Variants in PACS2 observed in about 807,000 individuals in gnomAD.
The protein encoded by PACS2 is phosphofurin acidic cluster sorting protein 2.
PACS2 carries 36 observed loss-of-function variants against 113.0 expected under a neutral mutation model. The ratio of observed to expected loss-of-function variants is 0.32; its 90% CI spans 0.24 to 0.42. PACS2 has a LOEUF of 0.42. PACS2 is among the 10% of genes least tolerant of loss of function. The pLI is 1.00. For synonymous variants in PACS2, 589 were observed against 536.1 expected (o/e 1.10, Z -1.36); for missense variants, 1,015 against 1,239.5 (o/e 0.82, Z 2.72).
At chr14:105,363,942 T>C (rs8010649) in intron 4 of PACS2, among the ~76,000 whole-genome samples, 13,523 of 151,862 alleles carry the variant, frequency 0.089, 2,041 homozygotes, top group African/African-American at 0.31. Flanking sequence ...GAGACAGACA[T>C]GGGAATGGCC....
chr14:105,322,726 G>A (rs949066080), intron 1 of PACS2, among the ~76,000 whole-genome samples: 1 of 152,202 alleles, frequency 6.6e-6, no homozygotes, highest in Non-Finnish European at 1.5e-5. Context: ...AAGCCCACAA[G>A]ATGTTGTTAC....
rs781943399 is a variant in PACS2 at position 105,368,071 on chromosome 14, C to T, written c.587-3C>T. ...CCCTCCCTTCTGTCTGTTCATTCCG[C>T]AGATAACTACTCCGAGGAGGAGTAT... On this transcript the variant is annotated splice_region_variant and splice_polypyrimidine_tract_variant and intron_variant, in intron 5 of 24. Transcript: ENST00000447393. 8.7e-6 allele frequency: 14 copies of T among 1,601,606 alleles called. No individual in the cohort carries two copies. Among genetic ancestry groups the T allele is most frequent in the Middle Eastern group, 3.3e-4 (2 of 6,066 alleles).
In PACS2 at chr14:105,357,650, C is replaced by T. The variant is rs587631742; in HGVS notation, c.423+2473C>T. On this transcript the variant is annotated intron_variant, in intron 4 of 24. Transcript: ENST00000447393. The surrounding 1 kb of genome is among the most constrained non-coding windows in gnomAD (Gnocchi z 5.1). Reference sequence around the variant, plus strand: ...GTTGCTGGCTTGTTGAGAGTATGAGCACGGGAGATTGCGGAGGCGGGACAG... The same window carrying T: ...GTTGCTGGCTTGTTGAGAGTATGAGTACGGGAGATTGCGGAGGCGGGACAG... 1.3e-5 allele frequency among the ~76,000 whole-genome samples: 2 copies of T among 152,258 alleles called. No individual in the cohort carries two copies. The highest frequency in any genetic ancestry group is 4.8e-5 in the African/African-American group (2 of 41,552).
intron 1 of PACS2, among the ~76,000 whole-genome samples, chr14:105,345,112 A>G (rs587729390): frequency 6.2e-5 from 9 of 145,792 alleles, no homozygotes; most frequent in African/African-American, 2.3e-4. Context: ...CCATCTCAAA[A>G]AAGATGGAAT....
At position 105,357,789 on chromosome 14, in the gene PACS2, G is replaced by C. The variant is rs1264707337; in HGVS notation, c.423+2612G>C. Among the ~76,000 whole-genome samples the C allele has an allele frequency of 6.6e-6, 1 of 152,224 alleles. No individual in the cohort carries two copies. The highest frequency in any genetic ancestry group is 1.5e-5 in the Non-Finnish European group (1 of 68,042). ...TCCGAGACTGCACGCCTGAGACGGGGGTGAGGGCATGGGTGCTGCCATAGG... is the reference window on the plus strand; with the variant it reads ...TCCGAGACTGCACGCCTGAGACGGGCGTGAGGGCATGGGTGCTGCCATAGG... On this transcript the variant is annotated intron_variant, in intron 4 of 24. Coordinates refer to ENST00000447393, the MANE Select transcript of PACS2 (RefSeq NM_001100913.3). This position sits in a 1 kb window ranked among gnomAD's most constrained non-coding sequence, Gnocchi z 5.1.
At chr14:105,333,503 TC>T (rs1464127143) in intron 1 of PACS2, among the ~76,000 whole-genome samples, 1 of 152,158 alleles carries the variant, frequency 6.6e-6, no homozygotes, top group African/African-American at 2.4e-5. Flanking sequence ...TTCTGGCTGC[TC>T]CCTGGGGTGC....
intron 22 of PACS2, 121 bp from the exon 23 acceptor site, chr14:105,392,498 C>T (rs1412595896): frequency 1.2e-6 from 1 of 814,566 alleles, no homozygotes; most frequent in African/African-American, 1.7e-5. Flanking sequence ...ACCCGGCCCT[C>T]CTCTGCTGGC....
chr14:105,386,504 AC>A (rs1407280006), intron 19 of PACS2, among the ~76,000 whole-genome samples: 6 of 151,664 alleles, frequency 4.0e-5, no homozygotes, highest in Admixed American at 2.0e-4. Flanking sequence ...AGTCCCAGGC[AC>A]CCCCAAAGCT....
chr14:105,376,781 A>G lies in PACS2; in HGVS notation c.815A>G (p.Glu272Gly). ...FKVSDEVLDS[E>G]QDPAEHIPEA... is the part of the protein sequence containing the mutation. ...GCACCCGTGCAGGTCCTGGACTCGGAGCAGGACCCTGCGGAGCACATCCCC... is the reference window on the plus strand; with the variant it reads ...GCACCCGTGCAGGTCCTGGACTCGGGGCAGGACCCTGCGGAGCACATCCCC... Residue 272 changes from glutamate (E) to glycine (G), a missense_variant, in exon 9 of 25, where the codon GAG (glutamate) becomes GGG (glycine). Physicochemically the swap from Glu to Gly is moderately conservative, Grantham distance 98. Transcript: ENST00000447393. This position sits in a 1 kb window ranked among gnomAD's most constrained non-coding sequence, Gnocchi z 4.7. The G allele has an allele frequency of 6.2e-7, 1 of 1,612,858 alleles. No individual in the cohort carries two copies. The highest frequency in any genetic ancestry group is 8.5e-7 in the Non-Finnish European group (1 of 1,179,766).
Position 105,324,357 on chromosome 14 carries a change from G to A in PACS2, c.119+9320G>A, listed in dbSNP as rs906954564. 6.6e-6 allele frequency among the ~76,000 whole-genome samples: 1 copy of A among 152,230 alleles called. No homozygotes were observed. The highest frequency in any genetic ancestry group is 3.4e-3 in the Middle Eastern group (1 of 294). Reference sequence around the variant, plus strand: ...TGCAGGTGGGAAGGGGTGGCAGGATGGAGGTTGTACAGTGCTTTCCCCAGG... The same window carrying A: ...TGCAGGTGGGAAGGGGTGGCAGGATAGAGGTTGTACAGTGCTTTCCCCAGG... On this transcript the variant is annotated intron_variant, in intron 1 of 24. Transcript: ENST00000447393. The surrounding 1 kb of genome is among the most constrained non-coding windows in gnomAD (Gnocchi z 4.7).
At chr14:105,384,182 A>G (rs898823597) in intron 16 of PACS2, 171 bp from the exon 17 acceptor site, 7 of 583,690 alleles carry the variant, frequency 1.2e-5, no homozygotes, top group Non-Finnish European at 2.1e-5. Context: ...GGCCACAGGC[A>G]TCCACCAGGG....
chr14:105,390,406 G>T (rs750726225), intron 20 of PACS2: 16 of 247,050 alleles, frequency 6.5e-5, no homozygotes, highest in Non-Finnish European at 1.1e-4. Context: ...AGCCTGCAGT[G>T]TGTGGGTTTC....
chr14:105,348,121 C>G lies in PACS2; in HGVS notation c.120-372C>G, dbSNP rs2060012045. ...GATAGGGCCGCGGGAGAGGGGAGGC[C>G]TGTGCTCTCACAGCTGGGAGCTGGC... On this transcript the variant is annotated intron_variant, in intron 1 of 24. Transcript: ENST00000447393. This position sits in a 1 kb window ranked among gnomAD's most constrained non-coding sequence, Gnocchi z 6.4. Among the ~76,000 whole-genome samples the G allele has an allele frequency of 6.6e-6, 1 of 152,066 alleles. No homozygotes were observed. The highest frequency in any genetic ancestry group is 1.5e-5 in the Non-Finnish European group (1 of 67,976).
At chr14:105,328,630 C>T (rs2059203887) in intron 1 of PACS2, among the ~76,000 whole-genome samples, 1 of 152,218 alleles carries the variant, frequency 6.6e-6, no homozygotes, top group Non-Finnish European at 1.5e-5. Context: ...TGTGGCCAGG[C>T]CCTCCCAGCA....
rs1383668689 is a variant in PACS2, at chr14:105,356,458, C to T, written c.423+1281C>T. The stretch of plus-strand genomic sequence containing the variant: ...TGGACCGGGCCTCCAGGCTGCACTT[C>T]CCAGGGCCCTGGGACCCCTCTGGTG... On this transcript the variant is annotated intron_variant, in intron 4 of 24. Coordinates refer to ENST00000447393, the MANE Select transcript of PACS2 (RefSeq NM_001100913.3). The surrounding 1 kb of genome is among the most constrained non-coding windows in gnomAD (Gnocchi z 4.0). 6.6e-6 allele frequency among the ~76,000 whole-genome samples: 1 copy of T among 152,172 alleles called. No homozygotes were observed. The highest frequency in any genetic ancestry group is 1.5e-5 in the Non-Finnish European group (1 of 68,010).
At chr14:105,385,169 C>T (rs2081132294) in intron 18 of PACS2, among the ~76,000 whole-genome samples, 182 bp downstream of exon 18, 3 of 152,330 alleles carry the variant, frequency 2.0e-5, no homozygotes, top group Middle Eastern at 3.4e-3. Flanking sequence ...TTCCCCGCAC[C>T]CCAGATCCCT....
Position 105,381,083 on chromosome 14 carries a change from G to C in PACS2, c.1252G>C (p.Val418Leu). 1 of 1,612,070 alleles carries C rather than the reference G, an allele frequency of 6.2e-7. No homozygotes were observed. The highest frequency in any genetic ancestry group is 8.5e-7 in the Non-Finnish European group (1 of 1,179,544). The change falls in exon 12 of 25, where the codon GTC becomes CTC. Residue 418 changes from valine to leucine, a missense_variant. Val to Leu is a conservative substitution (Grantham distance 32). Coordinates refer to ENST00000447393, the MANE Select transcript of PACS2 (RefSeq NM_001100913.3). ...SGRITKTESLVIPSTRSEGKQ... is the reference protein window; with the variant it reads ...SGRITKTESLLIPSTRSEGKQ... ...GAGGATCACCAAGACAGAGTCCCTT[G>C]TCATCCCCTCCACCAGGTGATGGGG...
rs60111460 is a variant in PACS2, at chr14:105,324,224, T to C, written c.119+9187T>C. ...TGCTGTGGCGGGGTCGGGGGGCTGC[T>C]GCAGAGAGCGGGTCTGCGGTCAGTC... is the stretch of plus-strand genomic sequence containing the variant. On this transcript the variant is annotated intron_variant, in intron 1 of 24. Coordinates refer to ENST00000447393, the MANE Select transcript of PACS2 (RefSeq NM_001100913.3). This position sits in a 1 kb window ranked among gnomAD's most constrained non-coding sequence, Gnocchi z 4.7. Among the ~76,000 whole-genome samples, 6,020 of 152,254 alleles carry C rather than the reference T, an allele frequency of 0.04. 405 individuals carry two copies. The highest frequency in any genetic ancestry group is 0.14 in the African/African-American group (5,778 of 41,540).
intron 9 of PACS2, among the ~76,000 whole-genome samples, chr14:105,378,766 C>T (rs782454817): frequency 6.6e-6 from 1 of 152,226 alleles, no homozygotes; most frequent in Non-Finnish European, 1.5e-5. Flanking sequence ...GTAGGTCTCC[C>T]TTCCTCCTTT....
Sources: gnomAD v4.1 joint callset for allele counts (sites outside exome capture counted in the v4.1 genomes callset) on GRCh38, gnomAD v4.1.1 for gene constraint, Gnocchi (gnomAD v3.1) non-coding constraint, MANE v1.5 for transcripts, NCBI Gene and HGNC (gene_info 2026-07-23, HGNC 2026-07-21) for gene names.